SIPA1L3: variants seen among roughly 807,000 people sequenced by gnomAD.
The protein encoded by SIPA1L3 is signal-induced proliferation-associated 1-like protein 3.
A neutral mutation model predicts 150.1 loss-of-function variants in SIPA1L3; 59 were observed. The ratio of observed to expected loss-of-function variants is 0.39; its 90% confidence interval spans 0.32 to 0.49. SIPA1L3 has a LOEUF of 0.49. SIPA1L3 is among the 20% of genes least tolerant of loss of function. The pLI, the probability that SIPA1L3 is intolerant of heterozygous loss-of-function variation, is 0.86. For missense variants in SIPA1L3, 2,211 were observed against 2,489.5 expected (o/e 0.89, Z 2.38); for synonymous variants, 1,070 against 1,077.6 (o/e 0.99, Z 0.14).
intron 15 of SIPA1L3, among the ~76,000 whole-genome samples, chr19:38,176,246 C>T (rs553442506): frequency 8.3e-4 from 126 of 151,994 alleles, no homozygotes; most frequent in African/African-American, 2.9e-3. Context: ...CTCCTGACCT[C>T]GGGTGATCCA....
At chr19:38,042,486 CTT>C (rs1968949533) in intron 2 of SIPA1L3, among the ~76,000 whole-genome samples, 2 of 152,150 alleles carry the variant, frequency 1.3e-5, no homozygotes, top group Non-Finnish European at 2.9e-5. Context: ...TTTACAGTGA[CTT>C]ATCACACTTG....
chr19:38,140,269 T>C (rs1600125344), intron 10 of SIPA1L3, among the ~76,000 whole-genome samples: 1 of 152,102 alleles, frequency 6.6e-6, no homozygotes, highest in African/African-American at 2.4e-5. Flanking sequence ...GCAGTGGCAG[T>C]GGAGAATGCC....
intron 2 of SIPA1L3, among the ~76,000 whole-genome samples, chr19:38,050,037 T>A: frequency 6.6e-6 from 1 of 152,220 alleles, no homozygotes; most frequent in Non-Finnish European, 1.5e-5. Flanking sequence ...CCCTGCCATG[T>A]AACCCAGCAA....
intron 1 of SIPA1L3, among the ~76,000 whole-genome samples, chr19:37,935,772 T>G (rs758279771): frequency 3.9e-5 from 6 of 152,222 alleles, no homozygotes; most frequent in Non-Finnish European, 7.3e-5. Context: ...TGAGCCTTCT[T>G]AAGGCATAGA....
chr19:37,952,230 T>C (rs922671128), intron 1 of SIPA1L3, among the ~76,000 whole-genome samples: 1 of 152,124 alleles, frequency 6.6e-6, no homozygotes, highest in Admixed American at 6.5e-5. Flanking sequence ...GACAAATTCT[T>C]TGGGTAACTG....
At chr19:38,065,915 C>CTATCTATTTATTTATCTATCTATT in intron 2 of SIPA1L3, among the ~76,000 whole-genome samples, 1 of 127,698 alleles carries the variant, frequency 7.8e-6, no homozygotes, top group East Asian at 2.2e-4. Flanking sequence ...ATTTATTTAT[C>CTATCTATTTATTTATCTATCTATT]TATTTATTTA....
At chr19:38,081,159 T>A in intron 2 of SIPA1L3, 97 bp from the exon 3 acceptor site, 1 of 399,488 alleles carries the variant, frequency 2.5e-6, no homozygotes, top group South Asian at 1.4e-4. Flanking sequence ...AAAGATTTTT[T>A]AAATGAGTAA....
intron 1 of SIPA1L3, among the ~76,000 whole-genome samples, chr19:37,953,269 A>G (rs1350612806): frequency 6.6e-6 from 1 of 152,180 alleles, no homozygotes; most frequent in East Asian, 1.9e-4. Flanking sequence ...TTTCCTGCCC[A>G]TGACCCAGCC....
intron 2 of SIPA1L3, among the ~76,000 whole-genome samples, chr19:38,032,336 T>G (rs1034747936): frequency 2.0e-5 from 3 of 152,218 alleles, no homozygotes; most frequent in Non-Finnish European, 4.4e-5. Context: ...ACGGCACTTT[T>G]CCTACGTGGT....
At position 38,119,459 on chromosome 19, in the gene SIPA1L3, C is replaced by A; in HGVS notation, c.2445C>A (p.Thr815=). ...NAAHKSDKFH[T]MATRTRQEYL... ...CGCACAAGTCCGACAAGTTCCACAC[C>A]ATGGCCACCAGGACCCGCCAGGAGT... Residue 815 remains threonine (T), a synonymous_variant, in exon 9 of 22, where the codon ACC becomes ACA. Coordinates refer to ENST00000222345, the MANE Select transcript of SIPA1L3 (RefSeq NM_015073.3). The A allele has an allele frequency of 6.2e-7, 1 of 1,614,190 alleles. No homozygotes were observed. The highest frequency in any genetic ancestry group is 1.1e-5 in the South Asian group (1 of 91,084).
chr19:38,190,070 C>G (rs1422532955), intron 16 of SIPA1L3, among the ~76,000 whole-genome samples: 1 of 152,002 alleles, frequency 6.6e-6, no homozygotes, highest in Non-Finnish European at 1.5e-5. Context: ...ACTGTGGACT[C>G]ATGTGAGCCT....
At chr19:38,148,068 A>G (rs1294994705) in intron 12 of SIPA1L3, among the ~76,000 whole-genome samples, 1 of 149,110 alleles carries the variant, frequency 6.7e-6, no homozygotes. Context: ...TTAAGAGGGA[A>G]GGGGCCGGGC....
intron 1 of SIPA1L3, among the ~76,000 whole-genome samples, chr19:37,981,892 G>A (rs1463001004): frequency 5.9e-5 from 9 of 152,188 alleles, no homozygotes. Context: ...GGTGAGAGAT[G>A]GAGAATTTTC....
chr19:37,971,224 T>C (rs1373473365), intron 1 of SIPA1L3, among the ~76,000 whole-genome samples: 1 of 152,060 alleles, frequency 6.6e-6, no homozygotes, highest in Admixed American at 6.6e-5. Context: ...CAAGTGATCC[T>C]CCTGTCTCTG....
At chr19:38,068,020 A>ATT (rs35795522) in intron 2 of SIPA1L3, among the ~76,000 whole-genome samples, 43 of 135,966 alleles carry the variant, frequency 3.2e-4, no homozygotes, top group African/African-American at 9.0e-4. Flanking sequence ...GAAAAATCAG[A>ATT]TTTTTTTTTT....
intron 1 of SIPA1L3, among the ~76,000 whole-genome samples, chr19:37,910,761 T>A (rs887846661): frequency 9.2e-5 from 14 of 152,158 alleles, no homozygotes; most frequent in Non-Finnish European, 1.8e-4. Flanking sequence ...TATGCCACCA[T>A]GCCTGGCTAA....
chr19:37,954,884 C>T (rs1165573708), intron 1 of SIPA1L3, among the ~76,000 whole-genome samples: 4 of 151,992 alleles, frequency 2.6e-5, no homozygotes, highest in African/African-American at 7.3e-5. Context: ...GCCAGGAGTT[C>T]GAGACCAGCA....
In SIPA1L3 at chr19:38,109,795, A is replaced by G. The variant is rs185460365; in HGVS notation, c.2134-432A>G. ...ACAAGAAACAAAATGAAGTGGGGAA[A>G]GCCATCTCTGCTGAGTGTCAATAAG... On this transcript the variant is annotated intron_variant, in intron 7 of 21. Coordinates refer to ENST00000222345, the MANE Select transcript of SIPA1L3 (RefSeq NM_015073.3). 5.9e-3 allele frequency: 965 copies of G among 164,008 alleles called. 8 individuals are homozygous for G. The highest frequency in any genetic ancestry group is 5.2e-3 in the Non-Finnish European group (383 of 74,270). 10.2% of individuals were successfully genotyped at this position (164,008 alleles called of 1,614,324 possible).
Position 38,192,326 on chromosome 19 carries a change from T to A in SIPA1L3, c.4596+16T>A, listed in dbSNP as rs1357740876. 6.4e-7 allele frequency: 1 copy of A among 1,568,182 alleles called. No individual in the cohort carries two copies. The highest frequency in any genetic ancestry group is 1.9e-5 in the Admixed American group (1 of 52,702). ...AGACACGGGAGTACGTAGGGCCCTG[T>A]CCCCCGCTCCCGACCCCCAGCTCCC... On this transcript the variant is annotated intron_variant, in intron 17 of 21. Coordinates refer to ENST00000222345, the MANE Select transcript of SIPA1L3 (RefSeq NM_015073.3).
Sources: gnomAD v4.1 joint callset for allele counts (sites outside exome capture counted in the v4.1 genomes callset) on GRCh38, gnomAD v4.1.1 for gene constraint, MANE v1.5 for transcripts, NCBI Gene and HGNC (gene_info 2026-07-23, HGNC 2026-07-21) for gene names.